PDE4D: variants seen among roughly 807,000 people sequenced by gnomAD.
The protein encoded by PDE4D is phosphodiesterase 4D.
In PDE4D, 24 loss-of-function variants were observed where a neutral mutation model predicts 87.4. The observed-to-expected ratio is 0.27, with a 90% CI of 0.20 to 0.39. PDE4D has a LOEUF of 0.39. PDE4D is among the 10% of genes least tolerant of loss of function. The pLI is 1.00. For missense variants in PDE4D, 714 were observed against 1,041.0 expected (o/e 0.69, Z 4.32); for synonymous variants, 384 against 383.2 (o/e 1.00, Z -0.02).
intron 1 of PDE4D, among the ~76,000 whole-genome samples, chr5:60,207,226 C>T (rs530114176): frequency 3.2e-4 from 49 of 152,294 alleles, no homozygotes; most frequent in Admixed American, 1.6e-3. Flanking sequence ...AGAAGAGAAA[C>T]TTCTTGACTA....
At chr5:60,240,599 T>C (rs1380706915) in intron 1 of PDE4D, among the ~76,000 whole-genome samples, 1 of 152,066 alleles carries the variant, frequency 6.6e-6, no homozygotes, top group East Asian at 1.9e-4. Flanking sequence ...TATGCTGGCT[T>C]CAAGTCTGAC....
chr5:59,313,709 A>AAT (rs1412723711), intron 1 of PDE4D, among the ~76,000 whole-genome samples: 1 of 152,158 alleles, frequency 6.6e-6, no homozygotes. Context: ...CCTAGAACCA[A>AAT]ATATATATAC....
chr5:60,290,507 G>T (rs1752798505), intron 1 of PDE4D, among the ~76,000 whole-genome samples: 1 of 152,046 alleles, frequency 6.6e-6, no homozygotes, highest in South Asian at 2.1e-4. Flanking sequence ...AATACATATA[G>T]AATAATACAT....
intron 3 of PDE4D, among the ~76,000 whole-genome samples, chr5:59,906,566 T>C (rs1752843574): frequency 6.6e-6 from 1 of 152,152 alleles, no homozygotes; most frequent in East Asian, 1.9e-4. Flanking sequence ...CAGAGTTGAG[T>C]ATGACAGAGA....
At chr5:59,680,656 A>C (rs1748850875) in intron 1 of PDE4D, among the ~76,000 whole-genome samples, 1 of 152,182 alleles carries the variant, frequency 6.6e-6, no homozygotes, top group South Asian at 2.1e-4. Context: ...ATAATGCTAA[A>C]AGTCTACTTA....
intron 1 of PDE4D, among the ~76,000 whole-genome samples, chr5:60,304,624 C>G (rs1754292072): frequency 7.3e-6 from 1 of 136,626 alleles, no homozygotes; most frequent in South Asian, 2.3e-4. Flanking sequence ...CGCAGTCCGG[C>G]CTGGGCGACA....
At chr5:60,073,519 A>C (rs1484000107) in intron 2 of PDE4D, among the ~76,000 whole-genome samples, 9 of 148,118 alleles carry the variant, frequency 6.1e-5, no homozygotes, top group Non-Finnish European at 1.3e-4. Context: ...AATCAGGATG[A>C]TGCTGGCCTC....
intron 1 of PDE4D, among the ~76,000 whole-genome samples, chr5:60,330,077 C>A (rs76731783): frequency 0.033 from 5,058 of 152,198 alleles, 126 homozygotes; most frequent in Middle Eastern, 0.082. Context: ...ACAGTGACTA[C>A]ACTCTTGGTG....
At chr5:60,189,940 C>T (rs1203892333) in intron 1 of PDE4D, among the ~76,000 whole-genome samples, 1 of 152,080 alleles carries the variant, frequency 6.6e-6, no homozygotes, top group Non-Finnish European at 1.5e-5. Context: ...ACTGTTGTCT[C>T]CAACTCATCA....
intron 1 of PDE4D, among the ~76,000 whole-genome samples, chr5:59,615,951 A>T (rs2053229): frequency 6.6e-6 from 1 of 152,136 alleles, no homozygotes; most frequent in African/African-American, 2.4e-5. Context: ...TATTTTCCAT[A>T]AGCATCCACA....
intron 6 of PDE4D, among the ~76,000 whole-genome samples, chr5:59,009,544 T>G (rs1380407486): frequency 6.6e-6 from 1 of 152,182 alleles, no homozygotes; most frequent in African/African-American, 2.4e-5. Context: ...TTATTCATTC[T>G]GGCAAGGCAA....
intron 1 of PDE4D, among the ~76,000 whole-genome samples, chr5:59,632,049 T>C (rs1453148668): frequency 6.6e-6 from 1 of 152,172 alleles, no homozygotes; most frequent in Non-Finnish European, 1.5e-5. Context: ...TGCTCTAGCT[T>C]GGTGTGGGGA....
intron 1 of PDE4D, among the ~76,000 whole-genome samples, chr5:59,406,395 T>TTCCCCCCC (rs1791654270): frequency 3.0e-5 from 1 of 33,230 alleles, no homozygotes; most frequent in Admixed American, 3.6e-4. Context: ...TATCTTTCCT[T>TTCCCCCCC]CCCCCCCCCC....
chr5:59,384,206 C>T (rs187965545), intron 1 of PDE4D, among the ~76,000 whole-genome samples: 7 of 152,104 alleles, frequency 4.6e-5, no homozygotes, highest in Non-Finnish European at 8.8e-5. Flanking sequence ...GCGCCAAGCC[C>T]TATTTTATTT....
At position 59,358,702 on chromosome 5, in the gene PDE4D, A is replaced by C. The variant is rs61048373; in HGVS notation, c.456-142734T>G. Reference sequence around the variant, plus strand: ...TGCGTAAAGAGGGGAGGAGTCCCTAACAGCTGGTGGGGTGAGGTGGCTTGG... The same window carrying C: ...TGCGTAAAGAGGGGAGGAGTCCCTACCAGCTGGTGGGGTGAGGTGGCTTGG... On this transcript the variant is annotated intron_variant, in intron 1 of 14. Coordinates refer to ENST00000340635, the MANE Select transcript of PDE4D (RefSeq NM_001104631.2). Among the ~76,000 whole-genome samples the C allele has an allele frequency of 1.8e-3, 276 of 151,996 alleles. 1 individual carries two copies. Among genetic ancestry groups the C allele is most frequent in the African/African-American group, 6.1e-3 (254 of 41,450 alleles).
intron 1 of PDE4D, among the ~76,000 whole-genome samples, chr5:59,508,445 T>C (rs1056983813): frequency 1.9e-4 from 29 of 152,160 alleles, no homozygotes; most frequent in African/African-American, 7.0e-4. Context: ...AGACATGCAG[T>C]TACTTAAATT....
At chr5:60,491,825 AC>A (rs1296759996), upstream of PDE4D, among the ~76,000 whole-genome samples, 1 of 152,098 alleles carries the variant, frequency 6.6e-6, no homozygotes, top group African/African-American at 2.4e-5. Flanking sequence ...TAATTGTTAG[AC>A]CCTGAGCAAG....
intron 2 of PDE4D, among the ~76,000 whole-genome samples, chr5:60,002,339 C>T (rs937579988): frequency 6.6e-6 from 1 of 151,604 alleles, no homozygotes. Flanking sequence ...TTGTAGCAAG[C>T]ATTTTAAGAA....
At chr5:60,490,899 T>C (rs1164636938), upstream of PDE4D, 2 of 152,246 alleles carry the variant, frequency 1.3e-5, no homozygotes, top group Admixed American at 1.3e-4. Flanking sequence ...CTAATTTGTC[T>C]GGCCTTGCCA....
Sources: allele counts gnomAD v4.1 joint callset (sites outside exome capture counted in the v4.1 genomes callset), GRCh38; gene constraint gnomAD v4.1.1; transcripts MANE v1.5; gene names NCBI Gene and HGNC (gene_info 2026-07-23, HGNC 2026-07-21).